The following DMD variants were observed in gnomAD, a reference collection of about 807,000 sequenced individuals.
DMD encodes dystrophin.
In DMD, 63 loss-of-function variants were observed where a neutral mutation model predicts 330.1. The ratio of observed to expected loss-of-function variants is 0.19; its 90% confidence interval spans 0.16 to 0.24. The LOEUF (loss-of-function observed/expected upper bound fraction) is 0.24. DMD is among the 10% of genes least tolerant of loss of function. The probability of loss-of-function intolerance (pLI) is 1.00; values close to 1 mark genes in which losing one functional copy is unlikely to be tolerated. For synonymous variants in DMD, 1,223 were observed against 959.8 expected (o/e 1.27, Z -5.07); for missense variants, 3,344 against 2,684.1 (o/e 1.25, Z -5.43).
Position 32,717,542 on chromosome X carries a change from C to T in DMD, c.650-18249G>A, listed in dbSNP as rs776861028. On this transcript the variant is annotated intron_variant, in intron 7 of 78. Coordinates refer to ENST00000357033, the MANE Select transcript of DMD (RefSeq NM_004006.3). ...GTAGAAGTCTGCTGCAGCGGGGGAG[C>T]CTGCATAGAGAACCTCTACTAGGGC... 3.6e-5 allele frequency among the ~76,000 whole-genome samples: 4 copies of T among 111,664 alleles called. No individual in the cohort carries two copies. The South Asian group carries it at 1.5e-3, about 42-fold the overall frequency.
At chrX:33,021,185 GA>G (rs1363970720) in intron 1 of DMD, among the ~76,000 whole-genome samples, 4 of 110,502 alleles carry the variant, frequency 3.6e-5, no homozygotes, top group Non-Finnish European at 7.6e-5. Flanking sequence ...AATACTCAAA[GA>G]AAAAAGTCCC....
At chrX:32,434,282 C>T (rs1222432157) in intron 29 of DMD, among the ~76,000 whole-genome samples, 1 of 111,767 alleles carries the variant, frequency 8.9e-6, no homozygotes, top group Non-Finnish European at 1.9e-5. Flanking sequence ...AATTAAAAGG[C>T]ACTTTGTTTA....
intron 2 of DMD, among the ~76,000 whole-genome samples, chrX:32,890,387 G>C (rs2085084208): frequency 9.3e-6 from 1 of 107,248 alleles, no homozygotes; most frequent in Admixed American, 1.0e-4. Context: ...ACTTTTCGCG[G>C]GGAAGGAAAG....
At chrX:32,739,330 A>C (rs754536428) in intron 7 of DMD, among the ~76,000 whole-genome samples, 7 of 111,554 alleles carry the variant, frequency 6.3e-5, no homozygotes, top group Non-Finnish European at 1.1e-4. Flanking sequence ...CTTTTACCCT[A>C]ATGTGGCAAA....
chrX:32,273,445 A>G (rs1342434817), intron 43 of DMD, among the ~76,000 whole-genome samples: 1 of 110,774 alleles, frequency 9.0e-6, no homozygotes, highest in African/African-American at 3.3e-5. Flanking sequence ...TAAAAGAAAA[A>G]TAACGCTCTT....
At chrX:32,332,920 T>A (rs1031791003) in intron 41 of DMD, among the ~76,000 whole-genome samples, 8 of 110,128 alleles carry the variant, frequency 7.3e-5, no homozygotes, top group Non-Finnish European at 1.3e-4. Flanking sequence ...TTTAATCAAG[T>A]CACGAGGCTG....
intron 62 of DMD, among the ~76,000 whole-genome samples, chrX:31,267,513 G>T (rs889736643): frequency 1.6e-4 from 18 of 111,803 alleles, no homozygotes; most frequent in Middle Eastern, 4.6e-3. Flanking sequence ...TATCACCTGC[G>T]AACTTCTTAG....
At position 31,832,386 on chromosome X, in the gene DMD, G is replaced by GA. The variant is rs531095462; in HGVS notation, c.7200+4331dup. Among the ~76,000 whole-genome samples, 113 of 108,560 alleles carry GA rather than the reference G, an allele frequency of 1.0e-3. No homozygotes were observed. The South Asian group carries it at 0.015, about 14-fold the overall frequency. 94.3% of individuals were successfully genotyped at this position (108,560 alleles called of 115,157 possible). ...TGGCAGTAGAACAAACTCATTGGGA[G>GA]AAAAAAAAACAGCTTCATCTAGTTA... On this transcript the variant is annotated intron_variant, in intron 49 of 78. Transcript: ENST00000357033.
rs1800273 is a variant in DMD, at chrX:31,968,490, G to A, written c.6463C>T (p.Arg2155Trp). The change falls in exon 45 of 79, where the codon CGG (arginine) becomes TGG (tryptophan). Residue 2155 changes from arginine to tryptophan, a missense_variant. Transcript: ENST00000357033. ...TTCAATGTTCTGACAACAGTTTGCCGCTGCCCAATGCCATCCTGGAGTTCC... is the reference window on the plus strand; with the variant it reads ...TTCAATGTTCTGACAACAGTTTGCCACTGCCCAATGCCATCCTGGAGTTCC... ...LKELQDGIGQ[R>W]QTVVRTLNAT... 44,374 of 1,208,510 alleles carry A rather than the reference G, an allele frequency of 0.037. 655 individuals are homozygous for A. Among genetic ancestry groups the A allele is most frequent in the Non-Finnish European group, 0.044 (39,308 of 894,239 alleles).
chrX:33,243,323 A>G (rs1196575582), intron 1 of DMD, among the ~76,000 whole-genome samples: 2 of 111,853 alleles, frequency 1.8e-5, no homozygotes, highest in African/African-American at 6.5e-5. Flanking sequence ...TTTGTTTATT[A>G]TTTCTAACAG....
At chrX:32,536,015 C>A (rs1340182057) in intron 17 of DMD, among the ~76,000 whole-genome samples, 2 of 110,914 alleles carry the variant, frequency 1.8e-5, no homozygotes, top group Non-Finnish European at 1.9e-5. Context: ...GCCTCTAATC[C>A]CAGTACTTTG....
intron 54 of DMD, among the ~76,000 whole-genome samples, chrX:31,653,542 G>A (rs1482141658): frequency 9.1e-6 from 1 of 109,689 alleles, no homozygotes; most frequent in Non-Finnish European, 1.9e-5. Flanking sequence ...AGTTGTGGAA[G>A]CCCTCATACA....
At chrX:31,215,293 G>A (rs1462083541) in intron 64 of DMD, among the ~76,000 whole-genome samples, 4 of 107,163 alleles carry the variant, frequency 3.7e-5, no homozygotes, top group Non-Finnish European at 5.8e-5. Flanking sequence ...TGCTGCCTAC[G>A]GAGAGGTTTA....
At position 31,633,612 on chromosome X, in the gene DMD, T is replaced by A. The variant is rs758408403; in HGVS notation, c.8028-5750A>T. ...ATAAACCATCTGGAGTCCTTCCCAG[T>A]AGCTCAAATGTAACATATATCAATC... On this transcript the variant is annotated intron_variant, in intron 54 of 78. Transcript: ENST00000357033. 3.6e-5 allele frequency among the ~76,000 whole-genome samples: 4 copies of A among 112,005 alleles called. No homozygotes were observed. In the South Asian group the frequency reaches 1.5e-3, roughly 42 times the overall value.
At position 33,140,125 on chromosome X, in the gene DMD, C is replaced by T. The variant is rs771163088; in HGVS notation, c.31+71157G>A. On this transcript the variant is annotated intron_variant, in intron 1 of 78. Coordinates refer to ENST00000357033, the MANE Select transcript of DMD (RefSeq NM_004006.3). ...ATGGACACATTCTTTAGTCAGCAGT[C>T]ACTCCCTGTCATTAATTAGGTGTTG... Among the ~76,000 whole-genome samples the T allele has an allele frequency of 4.5e-5, 5 of 111,795 alleles. No homozygotes were observed. The South Asian group carries it at 1.5e-3, about 33-fold the overall frequency.
chrX:31,506,245 T>G (rs1259994391), intron 56 of DMD, among the ~76,000 whole-genome samples: 1 of 111,509 alleles, frequency 9.0e-6, no homozygotes, highest in African/African-American at 3.3e-5. Flanking sequence ...ATGTTAAAAT[T>G]TTGGACAAGT....
chrX:33,141,309 T>C (rs143640411), intron 1 of DMD, among the ~76,000 whole-genome samples: 1,338 of 111,467 alleles, frequency 0.012, 10 homozygotes, highest in Middle Eastern at 0.028. Context: ...GAGTCAGGAA[T>C]ATGTCCCTAG....
intron 37 of DMD, among the ~76,000 whole-genome samples, chrX:32,362,000 A>T (rs371769825): frequency 8.9e-6 from 1 of 111,849 alleles, no homozygotes. Context: ...CTGAAATTCT[A>T]TAACACTATA....
chrX:32,847,950 C>T lies in DMD; in HGVS notation c.186+1778G>A, dbSNP rs1227882537. Among the ~76,000 whole-genome samples the T allele has an allele frequency of 7.1e-5, 8 of 112,196 alleles. No individual in the cohort carries two copies. The East Asian group carries it at 2.0e-3, about 27-fold the overall frequency. On this transcript the variant is annotated intron_variant, in intron 3 of 78. Transcript: ENST00000357033. ...CCAACATCATAAGTTTAGAGAAAGG[C>T]TTATCTCATATCTGAGTATAAACAC...
Sources: gnomAD v4.1 joint callset for allele counts (sites outside exome capture counted in the v4.1 genomes callset) on GRCh38, gnomAD v4.1.1 for gene constraint, MANE v1.5 for transcripts, NCBI Gene and HGNC (gene_info 2026-07-23, HGNC 2026-07-21) for gene names.